GFRA1: variants seen among roughly 807,000 people sequenced by gnomAD.
GFRA1 encodes the protein GDNF family receptor alpha-1.
In GFRA1, 16 loss-of-function variants were observed where a neutral mutation model predicts 51.6. The observed-to-expected ratio is 0.31, with a 90% CI of 0.21 to 0.47. The LOEUF (loss-of-function observed/expected upper bound fraction) is 0.47. GFRA1 is among the 20% of genes least tolerant of loss of function. GFRA1 has a pLI of 1.00. For synonymous variants in GFRA1, 270 were observed against 241.3 expected (o/e 1.12, Z -1.10); for missense variants, 530 against 594.3 (o/e 0.89, Z 1.13).
At chr10:116,140,772 C>T (rs988798800) in intron 5 of GFRA1, among the ~76,000 whole-genome samples, 5 of 152,068 alleles carry the variant, frequency 3.3e-5, no homozygotes, top group African/African-American at 4.8e-5. Flanking sequence ...GGAGTGTTTC[C>T]GCATTTGAGA....
At chr10:116,271,865 ACTT>A in intron 2 of GFRA1, 122 bp downstream of exon 2, 2 of 799,152 alleles carry the variant, frequency 2.5e-6, no homozygotes, top group Non-Finnish European at 4.3e-6. Context: ...CCAAAAAGAC[ACTT>A]CTTCCTTCCA....
At chr10:116,136,881 T>G (rs901032244) in intron 5 of GFRA1, among the ~76,000 whole-genome samples, 7 of 151,892 alleles carry the variant, frequency 4.6e-5, no homozygotes, top group African/African-American at 1.5e-4. Context: ...TGCTCAGGAG[T>G]AGAAAATAAG....
At position 116,060,063 on chromosome 10, in the gene GFRA1, A is replaced by G. The variant is rs1364959737; in HGVS notation, c.*4335T>C. ...CAGCCAATATCCTGATATAAATGAA[A>G]TGTCCTACCGAATACATCCCAGGAC... On this transcript the variant is annotated 3_prime_UTR_variant, in exon 11 of 11. Coordinates refer to ENST00000355422, the MANE Select transcript of GFRA1 (RefSeq NM_005264.8). 6.6e-6 allele frequency: 1 copy of G among 152,172 alleles called. No individual in the cohort carries two copies. Among genetic ancestry groups the G allele is most frequent in the African/African-American group, 2.4e-5 (1 of 41,414 alleles). 9.4% of individuals were successfully genotyped at this position (152,172 alleles called of 1,614,324 possible).
In GFRA1 at chr10:116,235,835, G is replaced by A. The variant is rs144614551; in HGVS notation, c.419-24190C>T. ...AGTCCACATGAAGAAGAGGTCATGTGAGCACACAGCAAGATGGTGGCCGCC... is the reference window on the plus strand; with the variant it reads ...AGTCCACATGAAGAAGAGGTCATGTAAGCACACAGCAAGATGGTGGCCGCC... On this transcript the variant is annotated intron_variant, in intron 4 of 10. Coordinates refer to ENST00000355422, the MANE Select transcript of GFRA1 (RefSeq NM_005264.8). Among the ~76,000 whole-genome samples the A allele has an allele frequency of 9.9e-5, 15 of 152,278 alleles. No homozygotes were observed. The East Asian group carries it at 2.5e-3, about 26-fold the overall frequency.
chr10:116,210,209 T>C (rs1340510760), intron 5 of GFRA1, among the ~76,000 whole-genome samples: 1 of 152,118 alleles, frequency 6.6e-6, no homozygotes, highest in Non-Finnish European at 1.5e-5. Flanking sequence ...ACGCTCACCA[T>C]TGTGTGTAGA....
chr10:116,274,206 CG>C (rs1844138221), upstream of GFRA1, among the ~76,000 whole-genome samples: 1 of 126,534 alleles, frequency 7.9e-6, no homozygotes, highest in African/African-American at 2.9e-5. Flanking sequence ...TCCCGCACGC[CG>C]GGGGGCGCCC....
rs776066332 is a variant in GFRA1 at position 116,271,107 on chromosome 10, G to A, written c.49C>T (p.Leu17=). ...TCTCCGCCGCTCACTTCGGCCGACA[G>A]GAGCAAGTCTGCGGGGCAGAGGGGA... is the stretch of plus-strand genomic sequence containing the variant. ...YFALPLLDLL[L]SAEVSGGDRL... The change falls in exon 3 of 11, where the codon CTG becomes TTG. Residue 17 remains leucine, a synonymous_variant. Transcript: ENST00000355422. The A allele has an allele frequency of 6.2e-7, 1 of 1,605,612 alleles. No homozygotes were observed. Among genetic ancestry groups the A allele is most frequent in the Non-Finnish European group, 8.5e-7 (1 of 1,173,232 alleles).
intron 5 of GFRA1, among the ~76,000 whole-genome samples, chr10:116,155,510 C>T (rs1959182864): frequency 2.0e-5 from 3 of 152,180 alleles, no homozygotes; most frequent in Admixed American, 2.0e-4. Flanking sequence ...TTGTCTCCCA[C>T]AACCCAGAAC....
At chr10:116,238,300 G>A (rs991705093) in intron 4 of GFRA1, among the ~76,000 whole-genome samples, 6 of 152,124 alleles carry the variant, frequency 3.9e-5, no homozygotes, top group African/African-American at 1.2e-4. Flanking sequence ...GACCTCGCAA[G>A]GTATCAGAAA....
At chr10:116,222,643 C>T (rs1190089585) in intron 4 of GFRA1, among the ~76,000 whole-genome samples, 1 of 152,172 alleles carries the variant, frequency 6.6e-6, no homozygotes, top group Admixed American at 6.5e-5. Flanking sequence ...AAAGACTTCA[C>T]ACAGCGCCTG....
At position 116,064,264 on chromosome 10, in the gene GFRA1, A is replaced by AAAAATGTTCCAGTTGAATGGAACTGTTTC; in HGVS notation, c.*105_*133dup. Reference sequence around the variant, plus strand: ...AGAAGCTTTCTTAAAAGGAAAAAAAAAAAATGTTCCAGTTGAATGGAACTG... The same window carrying AAAAATGTTCCAGTTGAATGGAACTGTTTC: ...AGAAGCTTTCTTAAAAGGAAAAAAAAAAAATGTTCCAGTTGAATGGAACTGTTTCAAAATGTTCCAGTTGAATGGAACTG... On this transcript the variant is annotated 3_prime_UTR_variant, in exon 11 of 11. Coordinates refer to ENST00000355422, the MANE Select transcript of GFRA1 (RefSeq NM_005264.8). 1.3e-6 allele frequency: 1 copy of AAAAATGTTCCAGTTGAATGGAACTGTTTC among 791,964 alleles called. No homozygotes were observed. 49.1% of individuals were successfully genotyped at this position (791,964 alleles called of 1,614,324 possible).
chr10:116,153,100 C>G (rs536276017), intron 5 of GFRA1, among the ~76,000 whole-genome samples: 1 of 152,230 alleles, frequency 6.6e-6, no homozygotes, highest in African/African-American at 2.4e-5. Context: ...CCTTATTGTC[C>G]CAATTTTACA....
chr10:116,201,398 G>A (rs1019848708), intron 5 of GFRA1, among the ~76,000 whole-genome samples: 5 of 152,116 alleles, frequency 3.3e-5, no homozygotes, highest in Non-Finnish European at 5.9e-5. Flanking sequence ...CTCCATAACT[G>A]GCTCCATCCA....
At chr10:116,210,546 T>C (rs1221479967) in intron 5 of GFRA1, among the ~76,000 whole-genome samples, 1 of 152,160 alleles carries the variant, frequency 6.6e-6, no homozygotes, top group South Asian at 2.1e-4. Context: ...TTATAGCTTG[T>C]TGGGATTTAT....
At chr10:116,075,813 C>T (rs1955594211) in intron 9 of GFRA1, among the ~76,000 whole-genome samples, 2 of 152,190 alleles carry the variant, frequency 1.3e-5, no homozygotes, top group African/African-American at 2.4e-5. Flanking sequence ...GGTGCTATCT[C>T]GGCTCACTGC....
chr10:116,245,508 AAGACAGTTTGGAC>A (rs1221697063), intron 4 of GFRA1, among the ~76,000 whole-genome samples: 1 of 152,240 alleles, frequency 6.6e-6, no homozygotes, highest in Non-Finnish European at 1.5e-5. Flanking sequence ...GCCGCTTTGC[AAGACAGTTTGGAC>A]AGTTTTTACA....
intron 6 of GFRA1, among the ~76,000 whole-genome samples, chr10:116,109,419 C>T (rs1957115872): frequency 6.6e-6 from 1 of 152,176 alleles, no homozygotes; most frequent in Non-Finnish European, 1.5e-5. Flanking sequence ...AGTGGGCATT[C>T]TTTTTGGTTA....
intron 5 of GFRA1, among the ~76,000 whole-genome samples, chr10:116,173,772 T>C (rs4751579): frequency 0.59 from 89,264 of 151,814 alleles, 26,226 homozygotes; most frequent in Middle Eastern, 0.63. Context: ...AGGTTTTTTT[T>C]CCCCGGTTAA....
At chr10:116,256,860 G>A (rs17807102) in intron 4 of GFRA1, among the ~76,000 whole-genome samples, 3,602 of 152,278 alleles carry the variant, frequency 0.024, 53 homozygotes, top group South Asian at 0.037. Context: ...TACCCAGCAC[G>A]GTTCCAGAGG....
Sources: allele counts gnomAD v4.1 joint callset (sites outside exome capture counted in the v4.1 genomes callset), GRCh38; gene constraint gnomAD v4.1.1; transcripts MANE v1.5; gene names NCBI Gene and HGNC (gene_info 2026-07-23, HGNC 2026-07-21).